The following NAV3 variants were observed in gnomAD, a reference collection of about 807,000 sequenced individuals.
The protein encoded by NAV3 is neuron navigator 3, also known as pore membrane and/or filament interacting like protein 1.
Under a neutral mutation model 244.7 loss-of-function variants are expected in NAV3, and 87 were observed. That is an observed-to-expected ratio of 0.36 (90% confidence interval 0.30 to 0.42). The LOEUF (loss-of-function observed/expected upper bound fraction) is 0.42, where lower values mean the gene tolerates loss of function less well. Ranked by LOEUF, NAV3 falls within the 20% of genes least tolerant of loss-of-function variation. The pLI is 1.00. For synonymous variants in NAV3, 1,126 were observed against 1,042.2 expected (o/e 1.08, Z -1.55); for missense variants, 2,663 against 2,893.3 (o/e 0.92, Z 1.83).
intron 2 of NAV3, chr12:77,783,381 CA>C (rs1205978136): frequency 1.3e-5 from 2 of 152,024 alleles, no homozygotes; most frequent in Admixed American, 1.3e-4. Flanking sequence ...TCTCTTCCCA[CA>C]AGATGTGCTG....
At chr12:77,670,930 C>G (rs1873941435) in intron 2 of NAV3, among the ~76,000 whole-genome samples, 1 of 152,050 alleles carries the variant, frequency 6.6e-6, no homozygotes, top group Admixed American at 6.6e-5. Flanking sequence ...ACTGGAAGTC[C>G]TAGCCAGAGC....
chr12:77,762,669 T>C (rs2135844143), intron 2 of NAV3, among the ~76,000 whole-genome samples: 1 of 152,240 alleles, frequency 6.6e-6, no homozygotes, highest in Admixed American at 6.5e-5. Context: ...GTTATAAAGT[T>C]GTATTTAGTC....
chr12:77,603,343 C>T (rs1192338538), intron 2 of NAV3, among the ~76,000 whole-genome samples: 2 of 152,042 alleles, frequency 1.3e-5, no homozygotes, highest in Non-Finnish European at 2.9e-5. Context: ...CATCAAAAGA[C>T]ATTTTAATAC....
chr12:77,691,200 T>C (rs184096195), intron 2 of NAV3, among the ~76,000 whole-genome samples: 269 of 150,614 alleles, frequency 1.8e-3, no homozygotes, highest in Middle Eastern at 0.014. Context: ...AATTGAAACA[T>C]TTTGTGAGTC....
chr12:77,899,302 C>T (rs1259239020), intron 1 of NAV3, among the ~76,000 whole-genome samples: 1 of 152,220 alleles, frequency 6.6e-6, no homozygotes, highest in African/African-American at 2.4e-5. Context: ...TATCCAACAG[C>T]ATTGCATGCT....
chr12:77,927,635 G>T (rs1317942165), intron 1 of NAV3, among the ~76,000 whole-genome samples: 1 of 152,166 alleles, frequency 6.6e-6, no homozygotes, highest in Non-Finnish European at 1.5e-5. Context: ...GAGAAAGAAT[G>T]TTATGTAGCC....
At chr12:77,849,584 C>T (rs545150961) in intron 1 of NAV3, among the ~76,000 whole-genome samples, 11 of 152,208 alleles carry the variant, frequency 7.2e-5, no homozygotes, top group African/African-American at 2.2e-4. Flanking sequence ...TTAGGCTAAA[C>T]GTAGAGTGTA....
chr12:78,010,205 C>T (rs1240584439), intron 8 of NAV3, among the ~76,000 whole-genome samples: 1 of 152,108 alleles, frequency 6.6e-6, no homozygotes, highest in Non-Finnish European at 1.5e-5. Flanking sequence ...TCATTCTTTT[C>T]AGCTTTCAGT....
chr12:77,644,377 C>T lies in NAV3; in HGVS notation c.72+72111C>T, dbSNP rs554355234. 3.9e-5 allele frequency among the ~76,000 whole-genome samples: 6 copies of T among 152,076 alleles called. No homozygotes were observed. The South Asian group carries it at 1.2e-3, about 32-fold the overall frequency. ...AGAAGCCTGTTTGAGATTTTGTCTT[C>T]TGAAAAACCAATAAAGTTTTACATT... On this transcript the variant is annotated intron_variant, in intron 2 of 8. Coordinates refer to the NAV3 transcript ENST00000550042.
chr12:78,197,941 ATAAACT>A (rs1959205639), intron 35 of NAV3, among the ~76,000 whole-genome samples: 1 of 151,874 alleles, frequency 6.6e-6, no homozygotes, highest in African/African-American at 2.4e-5. Context: ...TTCTATAGAG[ATAAACT>A]TAATATATTC....
At chr12:77,787,950 T>A (rs1870984032) in intron 2 of NAV3, among the ~76,000 whole-genome samples, 1 of 152,232 alleles carries the variant, frequency 6.6e-6, no homozygotes, top group African/African-American at 2.4e-5. Context: ...AATGTTTTAT[T>A]AGTCCTGTTA....
chr12:77,606,823 G>A (rs1005336973), intron 2 of NAV3, among the ~76,000 whole-genome samples: 3 of 152,084 alleles, frequency 2.0e-5, no homozygotes, highest in Admixed American at 2.0e-4. Flanking sequence ...GTTAGAGCAA[G>A]AGAATCTATG....
At chr12:77,942,496 T>C (rs1253988478) in intron 3 of NAV3, among the ~76,000 whole-genome samples, 1 of 152,158 alleles carries the variant, frequency 6.6e-6, no homozygotes, top group Non-Finnish European at 1.5e-5. Context: ...AAAAAATCAC[T>C]GTAAAAGAAA....
chr12:77,887,437 T>C (rs529985457), intron 1 of NAV3, among the ~76,000 whole-genome samples: 1 of 152,218 alleles, frequency 6.6e-6, no homozygotes, highest in East Asian at 1.9e-4. Context: ...CAGGGAAAGA[T>C]CGTGACAATA....
At position 78,197,383 on chromosome 12, in the gene NAV3, A is replaced by G; in HGVS notation, c.6428A>G (p.Asn2143Ser). The G allele has an allele frequency of 6.3e-7, 1 of 1,597,048 alleles. No individual in the cohort carries two copies. The highest frequency in any genetic ancestry group is 8.5e-7 in the Non-Finnish European group (1 of 1,171,168). Residue 2143 changes from asparagine (N) to serine (S), a missense_variant, in exon 35 of 40, where the codon AAT (asparagine) becomes AGT (serine). Asn to Ser is a conservative substitution (Grantham distance 46). Around this residue, in one of 6 missense-constraint regions of NAV3, gnomAD observed 543 missense variants for 672.4 expected, o/e 0.81. Transcript: ENST00000397909. ...SLSDIFNGFL[N>S]CKYNKCPYII... ...AGTGATATCTTCAATGGTTTTCTCA[A>G]TTGTAAATACAACAAATGGTATGCT...
At chr12:77,684,484 C>T (rs1350892534) in intron 2 of NAV3, among the ~76,000 whole-genome samples, 1 of 151,800 alleles carries the variant, frequency 6.6e-6, no homozygotes, top group East Asian at 1.9e-4. Context: ...AAGTGAACCT[C>T]CTATCTTTTT....
intron 2 of NAV3, among the ~76,000 whole-genome samples, chr12:77,654,293 C>T (rs918298052): frequency 1.1e-4 from 14 of 130,338 alleles, no homozygotes; most frequent in Non-Finnish European, 1.9e-4. Context: ...TGGCGCGCCA[C>T]GAGATTATAT....
chr12:77,894,373 G>C (rs1266223679), intron 1 of NAV3, among the ~76,000 whole-genome samples: 1 of 152,122 alleles, frequency 6.6e-6, no homozygotes, highest in Admixed American at 6.5e-5. Context: ...GATATTTCAT[G>C]TTAATATAAA....
At chr12:78,073,645 A>C (rs902615598) in intron 12 of NAV3, among the ~76,000 whole-genome samples, 1 of 152,214 alleles carries the variant, frequency 6.6e-6, no homozygotes, top group Non-Finnish European at 1.5e-5. Flanking sequence ...TGCCATCCCC[A>C]TCAAGCTACC....
Sources: gnomAD v4.1 joint callset for allele counts (sites outside exome capture counted in the v4.1 genomes callset) on GRCh38, gnomAD v4.1.1 for gene constraint, gnomAD v4.1.1 regional missense constraint, MANE v1.5 for transcripts, NCBI Gene and HGNC (gene_info 2026-07-23, HGNC 2026-07-21) for gene names.